FAM227A: variants seen among roughly 807,000 people sequenced by gnomAD.
The protein encoded by FAM227A is family with sequence similarity 227 member A.
A neutral mutation model predicts 74.7 loss-of-function variants in FAM227A; 80 were observed. The ratio of observed to expected loss-of-function variants is 1.07; its 90% CI spans 0.89 to 1.29. The LOEUF (loss-of-function observed/expected upper bound fraction) is 1.29. Ranked by LOEUF, FAM227A falls within the 50% of genes most tolerant of loss-of-function variation. The pLI is 0.00. For missense variants in FAM227A, 654 were observed against 683.4 expected, an observed-to-expected ratio of 0.96 and a Z score of 0.48; for synonymous variants, 237 against 241.8, an observed-to-expected ratio of 0.98 and a Z score of 0.19.
At chr22:38,640,504 C>T (rs1032655920) in intron 3 of FAM227A, among the ~76,000 whole-genome samples, 17 of 152,096 alleles carry the variant, frequency 1.1e-4, no homozygotes, top group African/African-American at 3.4e-4. Context: ...CATCCTCCTA[C>T]GCCCCTGAAA....
At chr22:38,635,391 G>A (rs2091984800) in intron 6 of FAM227A, among the ~76,000 whole-genome samples, 1 of 151,994 alleles carries the variant, frequency 6.6e-6, no homozygotes, top group Admixed American at 6.6e-5. Flanking sequence ...AGGAGCTCAG[G>A]GGACAATGAT....
chr22:38,641,307 C>T (rs545842433), intron 3 of FAM227A, among the ~76,000 whole-genome samples: 1 of 152,296 alleles, frequency 6.6e-6, no homozygotes, highest in East Asian at 1.9e-4. Context: ...TTCAAATACA[C>T]AGATTCCCGG....
intron 3 of FAM227A, among the ~76,000 whole-genome samples, chr22:38,640,057 G>A (rs1193640420): frequency 6.6e-6 from 1 of 151,066 alleles, no homozygotes; most frequent in Admixed American, 6.6e-5. Flanking sequence ...TTTTTGAGAC[G>A]GAGTCTCGCT....
chr22:38,598,659 T>C (rs970917737), intron 14 of FAM227A, among the ~76,000 whole-genome samples: 2 of 152,218 alleles, frequency 1.3e-5, no homozygotes, highest in Admixed American at 1.3e-4. Context: ...TAGACGTGGA[T>C]CATCCCAGCC....
Position 38,581,552 on chromosome 22 carries a change from G to A in FAM227A, c.*4573C>T, listed in dbSNP as rs889550548. The A allele has an allele frequency of 6.6e-6, 1 of 152,184 alleles. No individual in the cohort carries two copies. 9.4% of individuals were successfully genotyped at this position (152,184 alleles called of 1,614,324 possible). A position where few individuals can be genotyped will look rare whatever the true frequency, so the allele number is the denominator to read the frequency against. Reference sequence around the variant, plus strand: ...CTTCCTGGGTTCAAGCAATTCTCCTGCCTCAGCCTTGCGAGTACCCGGGAC... The same window carrying A: ...CTTCCTGGGTTCAAGCAATTCTCCTACCTCAGCCTTGCGAGTACCCGGGAC... On this transcript the variant is annotated 3_prime_UTR_variant, in exon 17 of 17. Transcript: ENST00000535113.
At chr22:38,642,974 T>C (rs1267475054) in intron 3 of FAM227A, among the ~76,000 whole-genome samples, 2 of 151,224 alleles carry the variant, frequency 1.3e-5, no homozygotes, top group Non-Finnish European at 2.9e-5. Flanking sequence ...AAACAAAATA[T>C]TAAACGAAAT....
chr22:38,582,215 C>A lies in FAM227A; in HGVS notation c.*3910G>T. On this transcript the variant is annotated 3_prime_UTR_variant, in exon 17 of 17. Transcript: ENST00000535113. ...TGGGCCTCTTTGTAACCCCTTCCAG[C>A]TTCCCTCCTATCCCCTCTCCAGCTA... 1 of 895,588 alleles carries A rather than the reference C, an allele frequency of 1.1e-6. No homozygotes were observed. The highest frequency in any genetic ancestry group is 1.7e-5 in the South Asian group (1 of 57,554). 55.5% of individuals were successfully genotyped at this position (895,588 alleles called of 1,614,324 possible). A position where few individuals can be genotyped will look rare whatever the true frequency, so the allele number is the denominator to read the frequency against.
At chr22:38,643,112 C>A (rs890033851) in intron 3 of FAM227A, among the ~76,000 whole-genome samples, 11 of 150,966 alleles carry the variant, frequency 7.3e-5, no homozygotes, top group African/African-American at 2.4e-4. Flanking sequence ...GTCAGGAGGT[C>A]GAGACCAGCC....
At chr22:38,612,866 T>C (rs2091445481) in intron 11 of FAM227A, among the ~76,000 whole-genome samples, 1 of 150,994 alleles carries the variant, frequency 6.6e-6, no homozygotes, top group African/African-American at 2.4e-5. Context: ...CCTCTGAAGC[T>C]AACACGGAGA....
intron 3 of FAM227A, among the ~76,000 whole-genome samples, chr22:38,640,685 A>C (rs1454176998): frequency 1.3e-5 from 2 of 152,178 alleles, no homozygotes; most frequent in African/African-American, 4.8e-5. Flanking sequence ...GGAACAATTA[A>C]ATGCTAAACT....
intron 10 of FAM227A, among the ~76,000 whole-genome samples, chr22:38,620,533 G>A (rs1441605377): frequency 6.6e-6 from 1 of 152,170 alleles, no homozygotes; most frequent in Non-Finnish European, 1.5e-5. Flanking sequence ...GGCCGGCGCG[G>A]TGGCTCACGC....
intron 16 of FAM227A, among the ~76,000 whole-genome samples, chr22:38,589,152 A>G (rs2090877268): frequency 6.6e-6 from 1 of 152,126 alleles, no homozygotes; most frequent in Non-Finnish European, 1.5e-5. Context: ...ACAGACATGA[A>G]GAAGGCCAGG....
Position 38,650,265 on chromosome 22 carries a change from G to A in FAM227A, c.-94-3C>T. ...TTGTCGTTTGTTTAATCAGCCTCCT[G>A]GAAATCATAAACAGCATAGAGCCAG... is the stretch of plus-strand genomic sequence containing the variant. On this transcript the variant is annotated splice_polypyrimidine_tract_variant and splice_region_variant and intron_variant, in intron 1 of 16. Transcript: ENST00000535113. 1 of 1,265,860 alleles carries A rather than the reference G, an allele frequency of 7.9e-7. No individual in the cohort carries two copies. Among genetic ancestry groups the A allele is most frequent in the Non-Finnish European group, 1.1e-6 (1 of 908,968 alleles). The allele number at this position is 1,265,860 out of a possible 1,614,324, so 78.4% of individuals were successfully genotyped here.
chr22:38,626,891 A>AAAAAAAAAAC (rs1555966996), intron 8 of FAM227A, among the ~76,000 whole-genome samples: 1 of 57,688 alleles, frequency 1.7e-5, no homozygotes, highest in Admixed American at 2.4e-4. Flanking sequence ...AAAAAAAAAA[A>AAAAAAAAAAC]ATATATATAT....
intron 11 of FAM227A, among the ~76,000 whole-genome samples, chr22:38,613,110 T>G: frequency 1.1e-5 from 1 of 91,844 alleles, no homozygotes; most frequent in Non-Finnish European, 1.9e-5. Context: ...TATAATTATA[T>G]ATATATTATA....
intron 13 of FAM227A, among the ~76,000 whole-genome samples, chr22:38,601,803 G>A (rs1327384763): frequency 2.6e-5 from 4 of 152,202 alleles, no homozygotes; most frequent in African/African-American, 9.6e-5. Context: ...AGTCTAGGGC[G>A]GCTCAGAGGA....
At chr22:38,655,043 G>C (rs1214096440) in intron 1 of FAM227A, among the ~76,000 whole-genome samples, 2 of 150,966 alleles carry the variant, frequency 1.3e-5, no homozygotes, top group Non-Finnish European at 2.9e-5. Context: ...GGGAGGCGGA[G>C]GCAGGAGAAT....
At chr22:38,647,293 C>T (rs1351537083) in intron 2 of FAM227A, among the ~76,000 whole-genome samples, 2 of 151,882 alleles carry the variant, frequency 1.3e-5, no homozygotes, top group African/African-American at 4.8e-5. Context: ...GGTGAAATCC[C>T]GTCTCTACTA....
rs1233359324 is a variant in FAM227A at position 38,584,484 on chromosome 22, G to A, written c.*1641C>T. The A allele has an allele frequency of 6.6e-6, 1 of 152,156 alleles. No homozygotes were observed. The highest frequency in any genetic ancestry group is 1.5e-5 in the Non-Finnish European group (1 of 68,084). 9.4% of individuals were successfully genotyped at this position (152,156 alleles called of 1,614,324 possible). A position where few individuals can be genotyped will look rare whatever the true frequency, so the allele number is the denominator to read the frequency against. ...TGTTATACAATATTAGATACTCCAGGCCAGGTGTGGTGGCTCACACTTAGA... is the reference window on the plus strand; with the variant it reads ...TGTTATACAATATTAGATACTCCAGACCAGGTGTGGTGGCTCACACTTAGA... On this transcript the variant is annotated 3_prime_UTR_variant, in exon 17 of 17. Coordinates refer to ENST00000535113, the MANE Select transcript of FAM227A (RefSeq NM_001013647.2).
Sources: allele counts gnomAD v4.1 joint callset (sites outside exome capture counted in the v4.1 genomes callset), GRCh38; gene constraint gnomAD v4.1.1; transcripts MANE v1.5; gene names NCBI Gene and HGNC (gene_info 2026-07-23, HGNC 2026-07-21).